The following SCARB2 variants were observed in gnomAD, a reference collection of about 807,000 sequenced individuals.
SCARB2 encodes lysosome membrane protein 2.
In SCARB2, 29 loss-of-function variants were observed where a neutral mutation model predicts 58.6. That is an observed-to-expected ratio of 0.49 (90% CI 0.37 to 0.67). The LOEUF (loss-of-function observed/expected upper bound fraction) is 0.67, where lower values mean the gene tolerates loss of function less well. SCARB2 is among the 30% of genes least tolerant of loss of function. The pLI, the probability that SCARB2 is intolerant of heterozygous loss-of-function variation, is 0.00. For missense variants in SCARB2, 488 were observed against 578.5 expected, an observed-to-expected ratio of 0.84 and a Z score of 1.60; for synonymous variants, 195 against 210.1, an observed-to-expected ratio of 0.93 and a Z score of 0.62.
chr4:76,217,106 G>A (rs1266322233), upstream of SCARB2, among the ~76,000 whole-genome samples: 2 of 152,162 alleles, frequency 1.3e-5, no homozygotes, highest in East Asian at 1.9e-4. Context: ...TGTCTGCACC[G>A]CTAATTGGCA....
At chr4:76,195,926 G>A in intron 1 of SCARB2, 62 bp from the exon 2 acceptor site, 2 of 1,308,686 alleles carry the variant, frequency 1.5e-6, no homozygotes, top group East Asian at 2.3e-5. Context: ...TTAAACCCAA[G>A]AAGCAGAGGA....
At chr4:76,179,397 C>G (rs1041532343) in intron 4 of SCARB2, 120 bp downstream of exon 4, 1 of 784,670 alleles carries the variant, frequency 1.3e-6, no homozygotes, top group East Asian at 2.6e-5. Flanking sequence ...TTTTCACACA[C>G]TCTATAAGAT....
chr4:76,200,260 A>C (rs952209023), intron 1 of SCARB2, among the ~76,000 whole-genome samples: 13 of 152,304 alleles, frequency 8.5e-5, no homozygotes, highest in Middle Eastern at 3.4e-3. Context: ...AAAAAGCAAC[A>C]TAAGGCCTTA....
rs1014681873 is a variant in SCARB2, at chr4:76,189,544, G to A, written c.275+6163C>T. ...GTCGCCCAGGCTGGCATTCGGTGGC[G>A]TGATCTCAGCTCACTGCAACCTCTG... On this transcript the variant is annotated intron_variant, in intron 2 of 11. Transcript: ENST00000264896. Among the ~76,000 whole-genome samples the A allele has an allele frequency of 1.3e-4, 20 of 152,132 alleles. 1 individual carries two copies. Among genetic ancestry groups the A allele is most frequent in the African/African-American group, 2.9e-4 (12 of 41,416 alleles).
intron 1 of SCARB2, among the ~76,000 whole-genome samples, chr4:76,229,251 G>A (rs1162760412): frequency 2.0e-5 from 3 of 152,012 alleles, no homozygotes; most frequent in African/African-American, 7.3e-5. Flanking sequence ...GTCTTGTATT[G>A]TTTTTTAAAT....
intron 1 of SCARB2, among the ~76,000 whole-genome samples, chr4:76,204,951 G>A (rs887026528): frequency 1.3e-5 from 2 of 152,168 alleles, no homozygotes; most frequent in African/African-American, 2.4e-5. Flanking sequence ...CTGGTGAGAT[G>A]TTAGTCAAAG....
chr4:76,158,859 T>C lies in SCARB2; in HGVS notation c.*2854A>G, dbSNP rs1334680388. 1 of 152,234 alleles carries C rather than the reference T, an allele frequency of 6.6e-6. No individual in the cohort carries two copies. The highest frequency in any genetic ancestry group is 1.5e-5 in the Non-Finnish European group (1 of 68,052). 9.4% of individuals were successfully genotyped at this position (152,234 alleles called of 1,614,324 possible). ...GCTACATGAAGAGCATTCTGGTCAG[T>C]ATTCTTGTTAACAGGCACAAGCAAT... On this transcript the variant is annotated 3_prime_UTR_variant, in exon 12 of 12. Transcript: ENST00000264896.
chr4:76,229,093 TG>T (rs111694219), intron 1 of SCARB2, among the ~76,000 whole-genome samples: 8 of 152,330 alleles, frequency 5.3e-5, no homozygotes, highest in African/African-American at 1.9e-4. Flanking sequence ...TTTCAAGCTC[TG>T]AAATTCTTTC....
chr4:76,200,137 A>AT (rs1732800355), intron 1 of SCARB2, among the ~76,000 whole-genome samples: 1 of 152,240 alleles, frequency 6.6e-6, no homozygotes, highest in African/African-American at 2.4e-5. Context: ...CAGTCTGAAC[A>AT]GAAAGCCATG....
At chr4:76,216,297 T>A (rs935601352), upstream of SCARB2, among the ~76,000 whole-genome samples, 8 of 152,174 alleles carry the variant, frequency 5.3e-5, no homozygotes, top group African/African-American at 1.7e-4. Flanking sequence ...CATCTATATG[T>A]CCTCTCCTTC....
rs1294056581 is a variant in SCARB2 at position 76,213,218 on chromosome 4, T to C, written c.117+209A>G. The C allele has an allele frequency of 5.0e-6, 3 of 596,764 alleles. No homozygotes were observed. The East Asian group carries it at 8.9e-5, about 18-fold the overall frequency. 37.0% of individuals were successfully genotyped at this position (596,764 alleles called of 1,614,324 possible). A position where few individuals can be genotyped will look rare whatever the true frequency, so the allele number is the denominator to read the frequency against. ...AAAAGTCAGGATCCATAGCCTTACT[T>C]ATCACTGTAAAGGGAACAGAGTCGG... On this transcript the variant is annotated intron_variant, in intron 1 of 11. Coordinates refer to ENST00000264896, the MANE Select transcript of SCARB2 (RefSeq NM_005506.4).
intron 1 of SCARB2, among the ~76,000 whole-genome samples, chr4:76,199,330 T>C (rs77722996): frequency 6.6e-6 from 1 of 152,234 alleles, no homozygotes; most frequent in Non-Finnish European, 1.5e-5. Flanking sequence ...GTTAAATTTG[T>C]ATTTCAGATA....
chr4:76,169,341 C>CACAT (rs3217498), intron 8 of SCARB2, among the ~76,000 whole-genome samples: 1 of 151,126 alleles, frequency 6.6e-6, no homozygotes, highest in Non-Finnish European at 1.5e-5. Context: ...CACACACACA[C>CACAT]GTGTGTATGT....
chr4:76,178,740 T>C (rs1411190571), intron 4 of SCARB2, among the ~76,000 whole-genome samples: 1 of 152,198 alleles, frequency 6.6e-6, no homozygotes. Flanking sequence ...CTCCTGTCTC[T>C]CACACATATA....
chr4:76,163,219 T>C lies in SCARB2; in HGVS notation c.1398+6A>G. On this transcript the variant is annotated splice_donor_region_variant and intron_variant, in intron 11 of 11. Coordinates refer to ENST00000264896, the MANE Select transcript of SCARB2 (RefSeq NM_005506.4). ...TAAGGAAGAAGTTCCTTCAGCCAGT[T>C]CTCACCTCATCCATGGATCCCTGTC... The C allele has an allele frequency of 6.2e-7, 1 of 1,614,152 alleles. No homozygotes were observed. Among genetic ancestry groups the C allele is most frequent in the African/African-American group, 1.3e-5 (1 of 75,034 alleles).
chr4:76,170,038 G>C, intron 7 of SCARB2, 53 bp from the exon 8 acceptor site: 1 of 1,041,302 alleles, frequency 9.6e-7, no homozygotes, highest in South Asian at 1.6e-5. Flanking sequence ...AATCTAAGCT[G>C]AGCTGAATAT....
chr4:76,201,438 CAATA>C (rs1050193148), intron 1 of SCARB2, among the ~76,000 whole-genome samples: 2 of 152,168 alleles, frequency 1.3e-5, no homozygotes, highest in African/African-American at 4.8e-5. Flanking sequence ...AGAAGGGACA[CAATA>C]AATAATTAAT....
chr4:76,210,632 C>T (rs923694625), intron 1 of SCARB2, among the ~76,000 whole-genome samples: 12 of 152,242 alleles, frequency 7.9e-5, no homozygotes, highest in Admixed American at 7.8e-4. Context: ...ACTATTATGC[C>T]TCTCTTGCAA....
chr4:76,200,459 A>C (rs1001513228), intron 1 of SCARB2, among the ~76,000 whole-genome samples: 2 of 152,368 alleles, frequency 1.3e-5, no homozygotes, highest in African/African-American at 4.8e-5. Context: ...GTCAACAGCT[A>C]AATTAATAAT....
Sources: gnomAD v4.1 joint callset for allele counts (sites outside exome capture counted in the v4.1 genomes callset) on GRCh38, gnomAD v4.1.1 for gene constraint, MANE v1.5 for transcripts, NCBI Gene and HGNC (gene_info 2026-07-23, HGNC 2026-07-21) for gene names.